MCM9: variants seen among roughly 807,000 people sequenced by gnomAD.
The protein encoded by MCM9 is DNA helicase MCM9.
MCM9 carries 55 observed loss-of-function variants against 72.8 expected under a neutral mutation model. The observed-to-expected ratio is 0.76, with a 90% CI of 0.61 to 0.95. The LOEUF is 0.95. Ranked by LOEUF, MCM9 falls within the 40% of genes least tolerant of loss-of-function variation. MCM9 has a pLI of 0.00. For synonymous variants in MCM9, 480 were observed against 503.4 expected, an observed-to-expected ratio of 0.95 and a Z score of 0.62; for missense variants, 1,279 against 1,377.0, an observed-to-expected ratio of 0.93 and a Z score of 1.13.
intron 8 of MCM9, among the ~76,000 whole-genome samples, chr6:118,890,667 A>T (rs567782141): frequency 2.0e-5 from 3 of 152,326 alleles, no homozygotes; most frequent in Non-Finnish European, 4.4e-5. Context: ...TGAAATCATT[A>T]TTGTACAATT....
rs1182264394 is a variant in MCM9, at chr6:118,873,575, C to T, written c.1151-17030G>A. 2.6e-5 allele frequency among the ~76,000 whole-genome samples: 4 copies of T among 152,300 alleles called. No homozygotes were observed. The South Asian group carries it at 6.2e-4, about 24-fold the overall frequency. On this transcript the variant is annotated intron_variant, in intron 8 of 13. Coordinates refer to ENST00000619706, the MANE Select transcript of MCM9 (RefSeq NM_017696.3). ...TAAAAAATGCAATCTGCCAAAACTT[C>T]AACCAGGAGAAGCAATCTGAATAGG...
chr6:118,843,672 A>ATATATATATG (rs1321655061), intron 9 of MCM9, among the ~76,000 whole-genome samples: 4 of 40,674 alleles, frequency 9.8e-5, no homozygotes, highest in South Asian at 9.6e-4. Context: ...ATATATATGT[A>ATATATATATG]TGTATATATA....
At chr6:118,870,074 T>G (rs1562417431) in intron 8 of MCM9, among the ~76,000 whole-genome samples, 1 of 152,186 alleles carries the variant, frequency 6.6e-6, no homozygotes, top group Non-Finnish European at 1.5e-5. Context: ...AACATCCCAT[T>G]TTCAACACTG....
At chr6:118,860,457 G>A (rs1433803184) in intron 8 of MCM9, among the ~76,000 whole-genome samples, 1 of 152,122 alleles carries the variant, frequency 6.6e-6, no homozygotes, top group African/African-American at 2.4e-5. Context: ...TCCAAGAACT[G>A]TGGGACAACT....
intron 8 of MCM9, among the ~76,000 whole-genome samples, chr6:118,857,280 T>C (rs1776620346): frequency 1.3e-5 from 2 of 152,178 alleles, no homozygotes; most frequent in African/African-American, 4.8e-5. Flanking sequence ...TTGCTTCCAG[T>C]TACAATATGA....
intron 13 of MCM9, among the ~76,000 whole-genome samples, chr6:118,818,056 A>C (rs995770122): frequency 6.6e-6 from 1 of 151,896 alleles, no homozygotes. Context: ...AGATTGTAAA[A>C]ATTTTCTCAC....
intron 8 of MCM9, among the ~76,000 whole-genome samples, chr6:118,876,586 TGAGTTGGGCAAA>T (rs1419321878): frequency 6.6e-6 from 1 of 152,188 alleles, no homozygotes; most frequent in Non-Finnish European, 1.5e-5. Context: ...GTTGTGACCC[TGAGTTGGGCAAA>T]GATTTCTTAC....
At position 118,817,774 on chromosome 6, in the gene MCM9, A is replaced by G. The variant is rs149819035; in HGVS notation, c.1962-1480T>C. 2.5e-3 allele frequency among the ~76,000 whole-genome samples: 384 copies of G among 152,278 alleles called. 4 individuals are homozygous for G. The highest frequency in any genetic ancestry group is 0.018 in the East Asian group (94 of 5,178). On this transcript the variant is annotated intron_variant, in intron 13 of 13. Coordinates refer to ENST00000619706, the MANE Select transcript of MCM9 (RefSeq NM_017696.3). ...CCACCAACAACGTAGAAGCATTCCT[A>G]TTTCTCCACAGCCTAGCCACCATCT... is the stretch of plus-strand genomic sequence containing the variant.
intron 3 of MCM9, among the ~76,000 whole-genome samples, chr6:118,925,901 A>G (rs960015780): frequency 1.3e-5 from 2 of 152,178 alleles, no homozygotes; most frequent in African/African-American, 4.8e-5. Context: ...CTACATGAAT[A>G]CTTTAAAAAA....
Position 118,843,431 on chromosome 6 carries a change from C to A in MCM9, c.1325+12940G>T, listed in dbSNP as rs568896467. Among the ~76,000 whole-genome samples, 271 of 151,164 alleles carry A rather than the reference C, an allele frequency of 1.8e-3. 1 individual carries two copies. Among genetic ancestry groups the A allele is most frequent in the Middle Eastern group, 0.01 (3 of 292 alleles). On this transcript the variant is annotated intron_variant, in intron 9 of 13. Coordinates refer to ENST00000619706, the MANE Select transcript of MCM9 (RefSeq NM_017696.3). ...ATCATCTGAGGTCGGGAGTTCGAGA[C>A]CAGCCTCACCAACATGGCGAAACCC...
intron 8 of MCM9, among the ~76,000 whole-genome samples, chr6:118,906,182 C>G (rs1254773120): frequency 6.6e-6 from 1 of 152,166 alleles, no homozygotes; most frequent in East Asian, 1.9e-4. Context: ...AAGCGATTCT[C>G]CTGTCTCAGC....
intron 8 of MCM9, among the ~76,000 whole-genome samples, chr6:118,890,273 C>T (rs561838812): frequency 6.6e-6 from 1 of 152,182 alleles, no homozygotes; most frequent in Non-Finnish European, 1.5e-5. Context: ...ACAAAGCCCA[C>T]TTTAAAATTT....
chr6:118,869,599 C>CA, intron 8 of MCM9, among the ~76,000 whole-genome samples: 2,226 of 58,286 alleles, frequency 0.038, 96 homozygotes, highest in African/African-American at 0.093. Flanking sequence ...AAAGGATTTA[C>CA]AAAAAAAAAA....
At chr6:118,893,901 GGCGTCGGCCGGATCGC>G (rs1188752762) in intron 8 of MCM9, 1 of 403,658 alleles carries the variant, frequency 2.5e-6, no homozygotes, top group Non-Finnish European at 3.3e-6. Flanking sequence ...TGGAGGGGCG[GGCGTCGGCCGGATCGC>G]GCCCTCCCGC....
At chr6:118,913,836 A>G (rs1352096176) in intron 6 of MCM9, among the ~76,000 whole-genome samples, 1 of 152,152 alleles carries the variant, frequency 6.6e-6, no homozygotes, top group Non-Finnish European at 1.5e-5. Flanking sequence ...CCTGGGCTCA[A>G]GCAATCCTTT....
At chr6:118,880,394 G>A (rs1245159357) in intron 8 of MCM9, among the ~76,000 whole-genome samples, 1 of 152,172 alleles carries the variant, frequency 6.6e-6, no homozygotes, top group Admixed American at 6.5e-5. Context: ...ATGTCCACTT[G>A]TCAGGATAGT....
intron 8 of MCM9, among the ~76,000 whole-genome samples, chr6:118,858,223 G>C (rs552717904): frequency 6.6e-6 from 1 of 152,226 alleles, no homozygotes; most frequent in South Asian, 2.1e-4. Flanking sequence ...AAATTAATCA[G>C]TGTAATTCGC....
chr6:118,888,926 T>C (rs1316959920), intron 8 of MCM9, among the ~76,000 whole-genome samples: 1 of 152,058 alleles, frequency 6.6e-6, no homozygotes, highest in African/African-American at 2.4e-5. Flanking sequence ...TTGGGGGATA[T>C]GCTGGGGAGG....
At chr6:118,925,106 A>G (rs1350068968) in intron 3 of MCM9, among the ~76,000 whole-genome samples, 1 of 151,458 alleles carries the variant, frequency 6.6e-6, no homozygotes, top group Non-Finnish European at 1.5e-5. Flanking sequence ...AAAGAGGGGG[A>G]AAAGGGGAGA....
Sources: gnomAD v4.1 joint callset for allele counts (sites outside exome capture counted in the v4.1 genomes callset) on GRCh38, gnomAD v4.1.1 for gene constraint, MANE v1.5 for transcripts, NCBI Gene and HGNC (gene_info 2026-07-23, HGNC 2026-07-21) for gene names.